Variants in WDR20 observed in about 807,000 individuals in gnomAD.
WDR20 encodes WD repeat domain 20.
In WDR20, 3 loss-of-function variants were observed where a neutral mutation model predicts 38.7. That is an observed-to-expected ratio of 0.08 (90% CI 0.04 to 0.20). The LOEUF (loss-of-function observed/expected upper bound fraction) is 0.20, where lower values mean the gene tolerates loss of function less well. Among genes scored for constraint, WDR20 ranks in the 10% least tolerant of loss-of-function variants. WDR20 has a pLI of 1.00. For synonymous variants in WDR20, 298 were observed against 285.6 expected (o/e 1.04, Z -0.44); for missense variants, 559 against 727.7 (o/e 0.77, Z 2.67).
chr14:102,185,062 G>A (rs1009334024), intron 1 of WDR20, among the ~76,000 whole-genome samples: 10 of 152,210 alleles, frequency 6.6e-5, no homozygotes, highest in Non-Finnish European at 1.3e-4. Context: ...ATACTGGAAG[G>A]AAAACCTGCT....
intron 1 of WDR20, among the ~76,000 whole-genome samples, chr14:102,189,689 C>T (rs1468153345): frequency 6.6e-6 from 1 of 152,010 alleles, no homozygotes; most frequent in Non-Finnish European, 1.5e-5. Flanking sequence ...GGATGCAAAC[C>T]ATTTTTTGAA....
chr14:102,139,812 G>T, upstream of WDR20: 1 of 1,486,880 alleles, frequency 6.7e-7, no homozygotes, highest in Non-Finnish European at 9.1e-7. Flanking sequence ...CCGCGGGTGG[G>T]AGGGGCGAGA....
rs188821509 is a variant in WDR20, at chr14:102,163,851, C to T, written c.249+23679C>T. Among the ~76,000 whole-genome samples, 206 of 152,184 alleles carry T rather than the reference C, an allele frequency of 1.4e-3. 5 individuals are homozygous for T. The highest frequency in any genetic ancestry group is 0.013 in the Admixed American group (197 of 15,274). ...GAGAAAATGCTTGCACTCTCCCTTC[C>T]AGAAGCAGGTGGCTTTGCTGCTGTC... is the stretch of plus-strand genomic sequence containing the variant. On this transcript the variant is annotated intron_variant, in intron 1 of 2. Coordinates refer to ENST00000342702, the MANE Select transcript of WDR20 (RefSeq NM_144574.4).
downstream of WDR20, chr14:102,214,486 T>G (rs2062963879): frequency 1.0e-6 from 1 of 985,364 alleles, no homozygotes; most frequent in Non-Finnish European, 1.2e-6. Context: ...AGAGGGAGAC[T>G]GTCTCACTGA....
intron 1 of WDR20, among the ~76,000 whole-genome samples, chr14:102,165,337 A>G (rs2059535615): frequency 6.6e-6 from 1 of 152,184 alleles, no homozygotes; most frequent in Admixed American, 6.5e-5. Context: ...GAACAGACTT[A>G]TAAGAGTTTG....
intron 1 of WDR20, among the ~76,000 whole-genome samples, chr14:102,185,405 G>A (rs2064395281): frequency 6.6e-6 from 1 of 152,102 alleles, no homozygotes. Flanking sequence ...AAGAAGCCTA[G>A]GAACATGGAG....
rs2054094749 is a variant in WDR20 at position 102,147,600 on chromosome 14, C to T, written c.249+7428C>T. 4.6e-5 allele frequency among the ~76,000 whole-genome samples: 7 copies of T among 152,300 alleles called. No homozygotes were observed. In the South Asian group the frequency reaches 1.5e-3, roughly 32 times the overall value. On this transcript the variant is annotated intron_variant, in intron 1 of 2. Transcript: ENST00000342702. ...CTTATACGATATTTATTATCATTGA[C>T]TTAATATAGTGACTTAAGGGTAAAG...
At chr14:102,196,519 A>C (rs184772502) in intron 2 of WDR20, among the ~76,000 whole-genome samples, 2 of 152,236 alleles carry the variant, frequency 1.3e-5, no homozygotes, top group East Asian at 3.9e-4. Flanking sequence ...TTGTTTAGGT[A>C]GGGGAGAGTG....
downstream of WDR20, among the ~76,000 whole-genome samples, chr14:102,216,823 G>A (rs1445985404): frequency 2.6e-5 from 4 of 152,274 alleles, no homozygotes; most frequent in Admixed American, 6.5e-5. Context: ...CCAGCTACTC[G>A]GAAGGCTGAG....
intron 1 of WDR20, among the ~76,000 whole-genome samples, chr14:102,171,059 A>C (rs545960201): frequency 6.6e-6 from 1 of 151,680 alleles, no homozygotes; most frequent in Non-Finnish European, 1.5e-5. Context: ...TCTCCCAGCA[A>C]TTCTGTCTCA....
At chr14:102,178,691 A>C (rs2062708337) in intron 1 of WDR20, among the ~76,000 whole-genome samples, 1 of 151,670 alleles carries the variant, frequency 6.6e-6, no homozygotes, top group Non-Finnish European at 1.5e-5. Context: ...GCCTTATAGG[A>C]TCTAGTATTG....
At chr14:102,144,415 G>A (rs1052636788) in intron 1 of WDR20, among the ~76,000 whole-genome samples, 8 of 151,424 alleles carry the variant, frequency 5.3e-5, no homozygotes, top group Non-Finnish European at 8.8e-5. Context: ...CCTGGAGTCG[G>A]AGGTTGCAGT....
downstream of WDR20, among the ~76,000 whole-genome samples, chr14:102,218,268 C>T (rs893434229): frequency 2.6e-5 from 4 of 152,208 alleles, no homozygotes; most frequent in South Asian, 2.1e-4. Flanking sequence ...GATGAGCTGG[C>T]GCCCAGCCCA....
At chr14:102,213,617 CCACTG>C, downstream of WDR20, 1 of 985,456 alleles carries the variant, frequency 1.0e-6, no homozygotes, top group Non-Finnish European at 1.2e-6. Flanking sequence ...CCAGGGCTCT[CCACTG>C]GCTGACTTCA....
intron 1 of WDR20, among the ~76,000 whole-genome samples, chr14:102,161,142 ATTTTT>A (rs1233679287): frequency 8.7e-4 from 14 of 16,046 alleles, no homozygotes; most frequent in African/African-American, 9.6e-4. Context: ...ATATATATAT[ATTTTT>A]TTTTTTTTTT....
chr14:102,177,551 G>A (rs187756112), intron 1 of WDR20, among the ~76,000 whole-genome samples: 99 of 152,254 alleles, frequency 6.5e-4, no homozygotes, highest in African/African-American at 2.2e-3. Flanking sequence ...ACCCAGTGTC[G>A]TGATATTGGC....
At chr14:102,191,437 A>C (rs2066392030) in intron 1 of WDR20, 1 of 152,492 alleles carries the variant, frequency 6.6e-6, no homozygotes, top group Non-Finnish European at 1.5e-5. Flanking sequence ...AGGAGGAAAT[A>C]GGATGGTCAC....
rs555335740 is a variant in WDR20, at chr14:102,180,012, G to C, written c.250-14926G>C. Among the ~76,000 whole-genome samples the C allele has an allele frequency of 3.3e-5, 5 of 152,236 alleles. No homozygotes were observed. The South Asian group carries it at 1.0e-3, about 32-fold the overall frequency. ...TACTAAAAATACAAAAATTAACCAGGCGTGGTGGCAGGCGCTTGTAATCCC... is the reference window on the plus strand; with the variant it reads ...TACTAAAAATACAAAAATTAACCAGCCGTGGTGGCAGGCGCTTGTAATCCC... On this transcript the variant is annotated intron_variant, in intron 1 of 2. Transcript: ENST00000342702.
At chr14:102,184,452 A>G (rs1566954454) in intron 1 of WDR20, among the ~76,000 whole-genome samples, 1 of 152,212 alleles carries the variant, frequency 6.6e-6, no homozygotes. Flanking sequence ...TGTGAGAACA[A>G]CAGAAGCTTG....
Sources: allele counts gnomAD v4.1 joint callset (sites outside exome capture counted in the v4.1 genomes callset), GRCh38; gene constraint gnomAD v4.1.1; transcripts MANE v1.5; gene names NCBI Gene and HGNC (gene_info 2026-07-23, HGNC 2026-07-21).